The following HPSE2 variants were observed in gnomAD, a reference collection of about 807,000 sequenced individuals.
HPSE2 encodes the protein heparanase 2 (inactive).
Under a neutral mutation model 60.5 loss-of-function variants are expected in HPSE2, and 38 were observed. The ratio of observed to expected loss-of-function variants is 0.63; its 90% confidence interval spans 0.48 to 0.82. HPSE2 has a LOEUF of 0.82. Ranked by LOEUF, HPSE2 falls within the 40% of genes least tolerant of loss-of-function variation. The pLI is 0.00. For missense variants in HPSE2, 713 were observed against 740.4 expected (o/e 0.96, Z 0.43); for synonymous variants, 295 against 293.2 (o/e 1.01, Z -0.06).
At chr10:98,952,911 T>G (rs376964820) in intron 3 of HPSE2, among the ~76,000 whole-genome samples, 16 of 152,246 alleles carry the variant, frequency 1.1e-4, no homozygotes, top group African/African-American at 3.6e-4. Context: ...TCTCCAAATA[T>G]AGTCCACATT....
chr10:98,989,295 A>C (rs1355069168), intron 3 of HPSE2, among the ~76,000 whole-genome samples: 1 of 152,222 alleles, frequency 6.6e-6, no homozygotes, highest in African/African-American at 2.4e-5. Context: ...GCACATATAC[A>C]CCATCGAATA....
At chr10:98,953,546 C>T (rs948350443) in intron 3 of HPSE2, among the ~76,000 whole-genome samples, 1 of 152,104 alleles carries the variant, frequency 6.6e-6, no homozygotes, top group Non-Finnish European at 1.5e-5. Flanking sequence ...ATCTATCTAG[C>T]CCTGCTTGAG....
intron 3 of HPSE2, among the ~76,000 whole-genome samples, chr10:99,131,532 C>T (rs1161543775): frequency 6.6e-6 from 1 of 151,930 alleles, no homozygotes; most frequent in African/African-American, 2.4e-5. Flanking sequence ...GAAACAAACA[C>T]ACATGCACAC....
chr10:98,586,002 G>T (rs1944931400), intron 9 of HPSE2, among the ~76,000 whole-genome samples: 2 of 148,428 alleles, frequency 1.3e-5, no homozygotes, highest in African/African-American at 2.5e-5. Flanking sequence ...TTATATAAAT[G>T]AAGCTTTACA....
At chr10:98,720,357 C>T (rs943355363) in intron 5 of HPSE2, among the ~76,000 whole-genome samples, 19 of 152,002 alleles carry the variant, frequency 1.2e-4, no homozygotes, top group African/African-American at 4.6e-4. Flanking sequence ...TAAGAGGAAA[C>T]ATAAGGATTT....
chr10:98,832,974 G>A (rs1400150274), intron 3 of HPSE2, among the ~76,000 whole-genome samples: 2 of 152,192 alleles, frequency 1.3e-5, no homozygotes, highest in East Asian at 3.9e-4. Flanking sequence ...GCAGATGTCT[G>A]AAAAGCACTG....
At chr10:98,651,570 T>C (rs1267887406) in intron 6 of HPSE2, among the ~76,000 whole-genome samples, 1 of 151,820 alleles carries the variant, frequency 6.6e-6, no homozygotes, top group South Asian at 2.1e-4. Context: ...AAATATCGTA[T>C]TTTTTTTCCC....
chr10:98,633,211 T>C (rs1317251113), intron 7 of HPSE2, among the ~76,000 whole-genome samples: 1 of 152,206 alleles, frequency 6.6e-6, no homozygotes, highest in Non-Finnish European at 1.5e-5. Flanking sequence ...TCCCTTTTTA[T>C]TTTTGGAAAC....
At position 99,011,357 on chromosome 10, in the gene HPSE2, T is replaced by C. The variant is rs1203230094; in HGVS notation, c.610+132881A>G. 2.6e-5 allele frequency among the ~76,000 whole-genome samples: 4 copies of C among 152,204 alleles called. No individual in the cohort carries two copies. The East Asian group carries it at 5.8e-4, about 22-fold the overall frequency. On this transcript the variant is annotated intron_variant, in intron 3 of 11. Coordinates refer to ENST00000370552, the MANE Select transcript of HPSE2 (RefSeq NM_021828.5). ...GGATCAATACTTATAGTATGTACTA[T>C]TATTCAATAAAATCTTCTTGAAATT... is the stretch of plus-strand genomic sequence containing the variant.
chr10:98,577,092 T>C (rs1944662135), intron 9 of HPSE2, among the ~76,000 whole-genome samples: 1 of 152,040 alleles, frequency 6.6e-6, no homozygotes, highest in African/African-American at 2.4e-5. Context: ...CCAAACAACA[T>C]ATTTAAACCT....
chr10:98,896,017 A>G (rs1387013869), intron 3 of HPSE2, among the ~76,000 whole-genome samples: 1 of 151,508 alleles, frequency 6.6e-6, no homozygotes, highest in Non-Finnish European at 1.5e-5. Context: ...GCACACCAGC[A>G]TGGCACATGT....
intron 3 of HPSE2, among the ~76,000 whole-genome samples, chr10:98,795,378 C>G (rs765154968): frequency 2.6e-5 from 4 of 152,204 alleles, no homozygotes; most frequent in Non-Finnish European, 4.4e-5. Flanking sequence ...AGAGACAGCA[C>G]AGCAGATGGG....
At chr10:98,526,435 C>T (rs1942969834) in intron 9 of HPSE2, among the ~76,000 whole-genome samples, 1 of 152,180 alleles carries the variant, frequency 6.6e-6, no homozygotes, top group Admixed American at 6.5e-5. Flanking sequence ...TTGGTTACAA[C>T]ACCAACTCCT....
intron 6 of HPSE2, among the ~76,000 whole-genome samples, chr10:98,661,705 T>C (rs911288003): frequency 6.6e-6 from 1 of 152,230 alleles, no homozygotes; most frequent in Non-Finnish European, 1.5e-5. Context: ...AATTTTTATC[T>C]AGTCAATTCC....
intron 9 of HPSE2, among the ~76,000 whole-genome samples, chr10:98,570,901 T>C (rs1944475935): frequency 6.6e-6 from 1 of 152,220 alleles, no homozygotes; most frequent in Non-Finnish European, 1.5e-5. Flanking sequence ...TAGTGTTAGT[T>C]ATTGCATGTT....
intron 3 of HPSE2, among the ~76,000 whole-genome samples, chr10:98,872,174 G>A (rs1029918464): frequency 2.0e-5 from 3 of 152,012 alleles, no homozygotes; most frequent in African/African-American, 7.2e-5. Context: ...AGGAAGGACC[G>A]TTTTCTGCAG....
chr10:99,311,178 A>G, the HPSE2 span, among the ~76,000 whole-genome samples: 1 of 152,256 alleles, frequency 6.6e-6, no homozygotes, highest in East Asian at 1.9e-4. Flanking sequence ...TCATATTGTC[A>G]TGACAATTAC....
At chr10:98,524,270 C>T (rs572405146) in intron 9 of HPSE2, among the ~76,000 whole-genome samples, 1 of 152,310 alleles carries the variant, frequency 6.6e-6, no homozygotes, top group South Asian at 2.1e-4. Flanking sequence ...TCCAAAGATC[C>T]TTGCTGTCAT....
rs1294129470 is a variant in HPSE2, at chr10:98,940,495, A to C, written c.611-196439T>G. Among the ~76,000 whole-genome samples, 4 of 144,154 alleles carry C rather than the reference A, an allele frequency of 2.8e-5. 1 individual carries two copies. The South Asian group carries it at 8.5e-4, about 31-fold the overall frequency. 94.6% of individuals were successfully genotyped at this position (144,154 alleles called of 152,430 possible). ...CTAGAAAATCTAGAAGAAATGGATA[A>C]ATTCCTCCACACATACACCCTCCCA... On this transcript the variant is annotated intron_variant, in intron 3 of 11. Transcript: ENST00000370552.
Sources: gnomAD v4.1 joint callset for allele counts (sites outside exome capture counted in the v4.1 genomes callset) on GRCh38, gnomAD v4.1.1 for gene constraint, MANE v1.5 for transcripts, NCBI Gene and HGNC (gene_info 2026-07-23, HGNC 2026-07-21) for gene names.